Variants in RB1CC1 observed in about 807,000 individuals in gnomAD.
The protein encoded by RB1CC1 is RB1 inducible coiled-coil 1.
RB1CC1 carries 46 observed loss-of-function variants against 177.5 expected under a neutral mutation model. The ratio of observed to expected loss-of-function variants is 0.26; its 90% confidence interval spans 0.20 to 0.33. The LOEUF (loss-of-function observed/expected upper bound fraction) is 0.33, where lower values mean the gene tolerates loss of function less well. Among genes scored for constraint, RB1CC1 ranks in the 10% least tolerant of loss-of-function variants. The probability of loss-of-function intolerance (pLI) is 1.00; values close to 1 mark genes in which losing one functional copy is unlikely to be tolerated. For missense variants in RB1CC1, 1,703 were observed against 1,816.3 expected, an observed-to-expected ratio of 0.94 and a Z score of 1.13; for synonymous variants, 666 against 613.6, an observed-to-expected ratio of 1.09 and a Z score of -1.26.
chr8:52,645,387 C>T (rs1332135738), intron 16 of RB1CC1, among the ~76,000 whole-genome samples: 2 of 152,140 alleles, frequency 1.3e-5, no homozygotes, highest in Non-Finnish European at 2.9e-5. Flanking sequence ...TACCCAAGAT[C>T]ACATAGGTAG....
At chr8:52,658,363 G>C (rs1489198175) in intron 13 of RB1CC1, among the ~76,000 whole-genome samples, 3 of 152,004 alleles carry the variant, frequency 2.0e-5, no homozygotes, top group Non-Finnish European at 4.4e-5. Context: ...TGGATCATGA[G>C]GTCAGGAGTT....
intron 3 of RB1CC1, 98 bp from the exon 4 acceptor site, chr8:52,684,111 A>C: frequency 7.4e-7 from 1 of 1,347,338 alleles, no homozygotes; most frequent in African/African-American, 1.5e-5. Context: ...AGGTTAATGA[A>C]TTTCACTCTA....
At chr8:52,700,321 C>T (rs1257220000) in intron 1 of RB1CC1, among the ~76,000 whole-genome samples, 2 of 151,466 alleles carry the variant, frequency 1.3e-5, no homozygotes, top group Non-Finnish European at 2.9e-5. Flanking sequence ...ATCAAGAGTT[C>T]CAGACCAACC....
chr8:52,635,889 A>T, intron 19 of RB1CC1, 126 bp downstream of exon 19: 1 of 1,178,594 alleles, frequency 8.5e-7, no homozygotes, highest in Non-Finnish European at 1.2e-6. Context: ...CCACAAAAAT[A>T]AGTTAATCAT....
intron 8 of RB1CC1, among the ~76,000 whole-genome samples, chr8:52,667,429 A>G (rs1348033064): frequency 6.6e-6 from 1 of 152,200 alleles, no homozygotes; most frequent in Non-Finnish European, 1.5e-5. Flanking sequence ...ACATTCAACT[A>G]TTCAGCTATG....
intron 18 of RB1CC1, 141 bp from the exon 19 acceptor site, chr8:52,636,210 A>G: frequency 1.1e-6 from 1 of 910,250 alleles, no homozygotes; most frequent in Non-Finnish European, 1.6e-6. Context: ...TATTTCAGTT[A>G]GCATGTAATT....
At chr8:52,660,463 G>T in intron 12 of RB1CC1, 133 bp downstream of exon 12, 2 of 852,912 alleles carry the variant, frequency 2.3e-6, no homozygotes, top group Non-Finnish European at 3.6e-6. Context: ...GGCTTTTAAA[G>T]CCAAAAACAC....
At chr8:52,664,500 G>A (rs1851895240) in intron 8 of RB1CC1, among the ~76,000 whole-genome samples, 1 of 152,044 alleles carries the variant, frequency 6.6e-6, no homozygotes, top group Non-Finnish European at 1.5e-5. Flanking sequence ...TATTCTTTTG[G>A]TATATTCCAT....
intron 1 of RB1CC1, among the ~76,000 whole-genome samples, chr8:52,688,493 A>T (rs564396964): frequency 1.3e-5 from 2 of 150,964 alleles, no homozygotes; most frequent in South Asian, 2.1e-4. Flanking sequence ...GTGGGGAAAA[A>T]CTCCGCCCTA....
chr8:52,642,623 T>C (rs1272975534), intron 17 of RB1CC1, 32 bp from the exon 18 acceptor site: 4 of 1,601,780 alleles, frequency 2.5e-6, no homozygotes, highest in East Asian at 2.2e-5. Flanking sequence ...AAAAGTATCA[T>C]GTAATTAAAA....
At chr8:52,652,229 G>A (rs1342280656) in intron 15 of RB1CC1, among the ~76,000 whole-genome samples, 1 of 152,074 alleles carries the variant, frequency 6.6e-6, no homozygotes. Context: ...GCACTTGGGA[G>A]GCCGAGGTGG....
At chr8:52,652,613 C>T (rs972027197) in intron 15 of RB1CC1, among the ~76,000 whole-genome samples, 1 of 151,972 alleles carries the variant, frequency 6.6e-6, no homozygotes, top group Non-Finnish European at 1.5e-5. Flanking sequence ...TTTTTGAGAG[C>T]GTAAAAAGAT....
chr8:52,676,521 T>G lies in RB1CC1; in HGVS notation c.420A>C (p.Val140=). Residue 140 remains valine (V), a synonymous_variant, in exon 6 of 24, where the codon GTA becomes GTC. Transcript: ENST00000025008. The part of the protein sequence containing the change: ...KKLCSFCEGL[V]HDEHLQHQGW... The stretch of plus-strand genomic sequence containing the variant: ...CTTGGTGTTGAAGATGTTCATCATG[T>G]ACAAGACCTTCACAAAAAGAACAAA... 1 of 1,612,572 alleles carries G rather than the reference T, an allele frequency of 6.2e-7. No individual in the cohort carries two copies. Among genetic ancestry groups the G allele is most frequent in the Non-Finnish European group, 8.5e-7 (1 of 1,179,644 alleles).
In RB1CC1 at chr8:52,623,663, G is replaced by T; in HGVS notation, c.*119C>A. 1 of 721,770 alleles carries T rather than the reference G, an allele frequency of 1.4e-6. No homozygotes were observed. Among genetic ancestry groups the T allele is most frequent in the East Asian group, 2.7e-5 (1 of 36,918 alleles). The allele number at this position is 721,770 out of a possible 1,614,324, so 44.7% of individuals were successfully genotyped here. ...AAAGTAAACGATGTACACCAGTGAAGTATATTGTCACGCTGACTTTTGCAT... is the reference window on the plus strand; with the variant it reads ...AAAGTAAACGATGTACACCAGTGAATTATATTGTCACGCTGACTTTTGCAT... On this transcript the variant is annotated 3_prime_UTR_variant, in exon 24 of 24. Transcript: ENST00000025008.
chr8:52,648,760 G>T (rs1405954514), intron 15 of RB1CC1, among the ~76,000 whole-genome samples: 1 of 152,150 alleles, frequency 6.6e-6, no homozygotes, highest in Non-Finnish European at 1.5e-5. Flanking sequence ...CAGATAGGTT[G>T]GGTCTTACTG....
intron 1 of RB1CC1, among the ~76,000 whole-genome samples, chr8:52,709,710 C>T (rs1249919302): frequency 1.3e-5 from 2 of 152,218 alleles, no homozygotes; most frequent in African/African-American, 4.8e-5. Context: ...TGCCTGTCGC[C>T]TGCCTGGGCG....
intron 1 of RB1CC1, among the ~76,000 whole-genome samples, chr8:52,705,799 A>G (rs58551691): frequency 0.041 from 6,268 of 152,200 alleles, 452 homozygotes; most frequent in African/African-American, 0.14. Context: ...TGGCATCACT[A>G]CACTCCAGGC....
At chr8:52,661,035 T>A in intron 10 of RB1CC1, 28 bp from the exon 11 acceptor site, 1 of 1,611,800 alleles carries the variant, frequency 6.2e-7, no homozygotes, top group Non-Finnish European at 8.5e-7. Flanking sequence ...ATGTTAAACA[T>A]AAACATACAC....
In RB1CC1 at chr8:52,657,152, T is replaced by C. The variant is rs1851154011; in HGVS notation, c.2677A>G (p.Lys893Glu). 1.2e-6 allele frequency: 2 copies of C among 1,609,878 alleles called. No homozygotes were observed. Among genetic ancestry groups the C allele is most frequent in the Admixed American group, 1.7e-5 (1 of 59,866 alleles). ...KETEENENKIKKLKGELVCLE... is the reference protein window; with the variant it reads ...KETEENENKIEKLKGELVCLE... ...CATACTAACTCTCCCTTCAATTTTT[T>C]AATTTTGTTTTCATTCTCTTCAGTT... Residue 893 changes from lysine (K) to glutamate (E), a missense_variant, in exon 15 of 24, where the codon AAA (lysine) becomes GAA (glutamate). Lys to Glu is a moderately conservative substitution (Grantham distance 56, BLOSUM62 1). Transcript: ENST00000025008.
Sources: allele counts gnomAD v4.1 joint callset (sites outside exome capture counted in the v4.1 genomes callset), GRCh38; gene constraint gnomAD v4.1.1; transcripts MANE v1.5; gene names NCBI Gene and HGNC (gene_info 2026-07-23, HGNC 2026-07-21).